ROBO2: variants seen among roughly 807,000 people sequenced by gnomAD.
ROBO2 encodes the protein roundabout homolog 2.
ROBO2 carries 53 observed loss-of-function variants against 160.8 expected under a neutral mutation model. The observed-to-expected ratio is 0.33, with a 90% CI of 0.26 to 0.41. The LOEUF (loss-of-function observed/expected upper bound fraction) is 0.41, where lower values mean the gene tolerates loss of function less well. Ranked by LOEUF, ROBO2 falls within the 10% of genes least tolerant of loss-of-function variation. The pLI is 1.00. For missense variants in ROBO2, 1,577 were observed against 1,722.4 expected (o/e 0.92, Z 1.49); for synonymous variants, 664 against 611.7 (o/e 1.09, Z -1.26).
intron 2 of ROBO2, among the ~76,000 whole-genome samples, chr3:76,831,931 C>T (rs547402331): frequency 1.3e-5 from 2 of 152,158 alleles, no homozygotes; most frequent in South Asian, 2.1e-4. Flanking sequence ...TGGAATTTAC[C>T]AGAATAGAAA....
intron 2 of ROBO2, among the ~76,000 whole-genome samples, chr3:76,492,214 A>G (rs997685581): frequency 6.6e-6 from 1 of 152,102 alleles, no homozygotes; most frequent in Non-Finnish European, 1.5e-5. Context: ...AAGCAGTTTC[A>G]ATTTTGGGCT....
At chr3:77,074,288 C>A (rs1312292335) in intron 1 of ROBO2, among the ~76,000 whole-genome samples, 5 of 152,168 alleles carry the variant, frequency 3.3e-5, no homozygotes, top group Non-Finnish European at 7.3e-5. Context: ...TAACTTGCAG[C>A]CTCTCACCTT....
At chr3:76,989,081 T>G (rs1181422038) in intron 2 of ROBO2, among the ~76,000 whole-genome samples, 1 of 152,164 alleles carries the variant, frequency 6.6e-6, no homozygotes, top group Non-Finnish European at 1.5e-5. Context: ...GTATCAATAC[T>G]TTTGCATTCT....
intron 2 of ROBO2, among the ~76,000 whole-genome samples, chr3:76,029,172 T>C (rs1170400491): frequency 6.6e-6 from 1 of 152,088 alleles, no homozygotes; most frequent in East Asian, 1.9e-4. Context: ...TTAGTTTTTT[T>C]GTTAAAAACA....
At chr3:76,873,074 A>G (rs17014864) in intron 2 of ROBO2, among the ~76,000 whole-genome samples, 1,980 of 152,232 alleles carry the variant, frequency 0.013, 37 homozygotes, top group African/African-American at 0.045. Context: ...TTACTTGACT[A>G]AAAAATAGCC....
chr3:77,115,820 T>A (rs2074139306), intron 2 of ROBO2, among the ~76,000 whole-genome samples: 1 of 152,226 alleles, frequency 6.6e-6, no homozygotes, highest in Admixed American at 6.5e-5. Flanking sequence ...GTTTATCTTA[T>A]CCAACTAGTC....
At chr3:75,935,597 G>A (rs984041316) in intron 1 of ROBO2, among the ~76,000 whole-genome samples, 15 of 152,244 alleles carry the variant, frequency 9.9e-5, no homozygotes, top group African/African-American at 3.6e-4. Flanking sequence ...GTATATGTAT[G>A]ATAAAATATA....
chr3:76,752,624 T>C (rs2060741061), intron 2 of ROBO2, among the ~76,000 whole-genome samples: 1 of 151,744 alleles, frequency 6.6e-6, no homozygotes, highest in African/African-American at 2.4e-5. Flanking sequence ...ACAGAAAATA[T>C]ATTCCCCAAA....
chr3:75,937,841 T>TTTTA (rs1222398160), intron 2 of ROBO2, among the ~76,000 whole-genome samples: 4 of 105,510 alleles, frequency 3.8e-5, no homozygotes, highest in Admixed American at 9.8e-5. Flanking sequence ...GGAATTGATT[T>TTTTA]TATATATATA....
chr3:77,615,483 C>A (rs2153701499), intron 21 of ROBO2, among the ~76,000 whole-genome samples: 1 of 152,298 alleles, frequency 6.6e-6, no homozygotes, highest in African/African-American at 2.4e-5. Context: ...TTCCTCTGTG[C>A]TCTGCCTGTC....
intron 2 of ROBO2, among the ~76,000 whole-genome samples, chr3:76,640,172 T>C (rs543992249): frequency 6.6e-6 from 1 of 152,326 alleles, no homozygotes; most frequent in East Asian, 1.9e-4. Flanking sequence ...GGATGAACTT[T>C]GTGGTGCTGG....
chr3:75,989,988 A>G (rs2065520770), intron 2 of ROBO2, among the ~76,000 whole-genome samples: 1 of 152,200 alleles, frequency 6.6e-6, no homozygotes. Flanking sequence ...TGATTTCTCA[A>G]GGTATAAAAA....
At chr3:76,774,963 G>C (rs979448720) in intron 2 of ROBO2, among the ~76,000 whole-genome samples, 3 of 150,488 alleles carry the variant, frequency 2.0e-5, no homozygotes, top group Non-Finnish European at 4.5e-5. Flanking sequence ...GGAGTTTTGG[G>C]ATTAATTGGA....
chr3:76,614,942 A>G (rs1209500881), intron 2 of ROBO2, among the ~76,000 whole-genome samples: 1 of 152,114 alleles, frequency 6.6e-6, no homozygotes, highest in Non-Finnish European at 1.5e-5. Flanking sequence ...ACTCCTGATC[A>G]CCAGAGCTGG....
intron 2 of ROBO2, among the ~76,000 whole-genome samples, chr3:76,987,966 G>A (rs1301802121): frequency 6.6e-6 from 1 of 151,986 alleles, no homozygotes; most frequent in Non-Finnish European, 1.5e-5. Flanking sequence ...AAGATCATTT[G>A]TCATGATATA....
intron 2 of ROBO2, among the ~76,000 whole-genome samples, chr3:76,002,150 A>G (rs1057040978): frequency 6.6e-6 from 1 of 152,194 alleles, no homozygotes; most frequent in Non-Finnish European, 1.5e-5. Flanking sequence ...GTATGGAAAT[A>G]CAGCCTTTGC....
At chr3:77,047,709 TATAA>T (rs1308797952) in intron 1 of ROBO2, among the ~76,000 whole-genome samples, 148 of 146,998 alleles carry the variant, frequency 1.0e-3, no homozygotes, top group African/African-American at 8.4e-4. Context: ...TAATGATATA[TATAA>T]ATAAATAAAT....
chr3:75,987,324 T>C (rs2065440855), intron 2 of ROBO2, among the ~76,000 whole-genome samples: 1 of 151,984 alleles, frequency 6.6e-6, no homozygotes, highest in African/African-American at 2.4e-5. Flanking sequence ...AATTATTTTG[T>C]TAATTTTCTT....
intron 2 of ROBO2, among the ~76,000 whole-genome samples, chr3:77,205,833 T>C (rs2083381722): frequency 6.6e-6 from 1 of 152,212 alleles, no homozygotes; most frequent in Non-Finnish European, 1.5e-5. Flanking sequence ...AGGTTCTCAC[T>C]TGAAACATGC....
Sources: gnomAD v4.1 joint callset for allele counts (sites outside exome capture counted in the v4.1 genomes callset) on GRCh38, gnomAD v4.1.1 for gene constraint, MANE v1.5 for transcripts, NCBI Gene and HGNC (gene_info 2026-07-23, HGNC 2026-07-21) for gene names.